The following EBF1 variants were observed in gnomAD, a reference collection of about 807,000 sequenced individuals.
EBF1 encodes EBF transcription factor 1, also known as transcription factor COE1.
Under a neutral mutation model 68.4 loss-of-function variants are expected in EBF1, and 10 were observed. That is an observed-to-expected ratio of 0.15 (90% CI 0.09 to 0.25). EBF1 has a LOEUF of 0.25. Ranked by LOEUF, EBF1 falls within the 10% of genes least tolerant of loss-of-function variation. The probability of loss-of-function intolerance (pLI) is 1.00; values close to 1 mark genes in which losing one functional copy is unlikely to be tolerated. For synonymous variants in EBF1, 298 were observed against 299.8 expected, an observed-to-expected ratio of 0.99 and a Z score of 0.06; for missense variants, 509 against 794.4, an observed-to-expected ratio of 0.64 and a Z score of 4.32.
chr5:159,008,925 T>C (rs978468888), intron 6 of EBF1, among the ~76,000 whole-genome samples: 2 of 152,222 alleles, frequency 1.3e-5, no homozygotes, highest in African/African-American at 2.4e-5. Flanking sequence ...TTTATCAGTT[T>C]AAATTCTAAT....
chr5:159,034,471 G>C (rs960759914), intron 6 of EBF1, among the ~76,000 whole-genome samples: 6 of 152,156 alleles, frequency 3.9e-5, no homozygotes, highest in Non-Finnish European at 8.8e-5. Context: ...TTGGGCCAGA[G>C]CGCCTCTCAA....
intron 1 of EBF1, among the ~76,000 whole-genome samples, chr5:159,097,901 G>T (rs1206210109): frequency 6.6e-6 from 1 of 152,200 alleles, no homozygotes; most frequent in Non-Finnish European, 1.5e-5. Flanking sequence ...GCCACTGACA[G>T]CCGGACCTGC....
intron 9 of EBF1, among the ~76,000 whole-genome samples, chr5:158,791,515 A>G (rs774022668): frequency 2.6e-5 from 4 of 152,086 alleles, no homozygotes; most frequent in African/African-American, 4.8e-5. Flanking sequence ...CTGCTACCCC[A>G]TGCAATCTCA....
At chr5:158,959,829 T>C (rs1328517762) in intron 6 of EBF1, among the ~76,000 whole-genome samples, 1 of 151,946 alleles carries the variant, frequency 6.6e-6, no homozygotes, top group Admixed American at 6.6e-5. Flanking sequence ...GTCATGAAAA[T>C]GGGGGATGAT....
chr5:159,099,577 G>T lies in EBF1; in HGVS notation c.-99C>A, dbSNP rs1314712782. The T allele has an allele frequency of 4.5e-6, 6 of 1,324,948 alleles. No individual in the cohort carries two copies. Among genetic ancestry groups the T allele is most frequent in the Middle Eastern group, 2.5e-4 (1 of 4,012 alleles). 82.1% of individuals were successfully genotyped at this position (1,324,948 alleles called of 1,614,324 possible). ...GAAAGAAAAGAAAAGAAACAAAAAC[G>T]CCAACCAGAGATTTTTTTTTTTCTC... On this transcript the variant is annotated 5_prime_UTR_variant, in exon 1 of 16. Transcript: ENST00000313708.
chr5:158,825,695 T>A (rs924227344), intron 7 of EBF1, among the ~76,000 whole-genome samples: 1 of 152,052 alleles, frequency 6.6e-6, no homozygotes, highest in African/African-American at 2.4e-5. Flanking sequence ...CAGGGCCACA[T>A]GTGTGATAGA....
At chr5:158,914,873 A>G (rs1469901897) in intron 6 of EBF1, among the ~76,000 whole-genome samples, 2 of 152,206 alleles carry the variant, frequency 1.3e-5, no homozygotes, top group African/African-American at 4.8e-5. Context: ...ATATGCATAC[A>G]TTACCATACT....
intron 6 of EBF1, among the ~76,000 whole-genome samples, chr5:158,840,652 T>G (rs991169034): frequency 4.6e-5 from 4 of 87,904 alleles, no homozygotes; most frequent in Non-Finnish European, 9.9e-5. Context: ...CCTGTTTTTT[T>G]TTTTTTTTTT....
intron 11 of EBF1, among the ~76,000 whole-genome samples, chr5:158,714,399 G>A (rs1342764753): frequency 1.3e-5 from 2 of 152,174 alleles, no homozygotes; most frequent in Non-Finnish European, 2.9e-5. Context: ...GGTACTGCGA[G>A]ATAAAATACA....
At chr5:159,014,768 T>C (rs376373485) in intron 6 of EBF1, among the ~76,000 whole-genome samples, 1 of 152,202 alleles carries the variant, frequency 6.6e-6, no homozygotes, top group Admixed American at 6.5e-5. Flanking sequence ...CTATCTGTAA[T>C]ATGCAAGCCG....
At chr5:158,905,384 G>A (rs565661690) in intron 6 of EBF1, among the ~76,000 whole-genome samples, 2 of 152,262 alleles carry the variant, frequency 1.3e-5, no homozygotes, top group South Asian at 2.1e-4. Flanking sequence ...GCACTCTCTT[G>A]ATCATGAGAT....
At chr5:158,967,661 C>T (rs1365155640) in intron 6 of EBF1, among the ~76,000 whole-genome samples, 1 of 152,126 alleles carries the variant, frequency 6.6e-6, no homozygotes, top group Admixed American at 6.5e-5. Context: ...GAAAGAACTG[C>T]GTGAGGTGGT....
intron 4 of EBF1, among the ~76,000 whole-genome samples, chr5:159,088,664 C>T (rs553204280): frequency 6.6e-6 from 1 of 152,208 alleles, no homozygotes; most frequent in Admixed American, 6.5e-5. Flanking sequence ...TTATTTTCAT[C>T]CTCCATAGTA....
intron 6 of EBF1, among the ~76,000 whole-genome samples, chr5:158,914,952 T>C (rs1275863971): frequency 1.3e-5 from 2 of 152,178 alleles, no homozygotes; most frequent in East Asian, 1.9e-4. Context: ...CTGTTCTAAA[T>C]GAATAAATTT....
chr5:158,957,477 TA>T (rs1392885491), intron 6 of EBF1, among the ~76,000 whole-genome samples: 1 of 152,220 alleles, frequency 6.6e-6, no homozygotes, highest in East Asian at 1.9e-4. Flanking sequence ...CAGTTGTAGC[TA>T]AATGTAGAAA....
chr5:159,000,839 T>A (rs542076874), intron 6 of EBF1, among the ~76,000 whole-genome samples: 1 of 152,288 alleles, frequency 6.6e-6, no homozygotes, highest in South Asian at 2.1e-4. Flanking sequence ...GACCTATTCA[T>A]AGTGAAAGAT....
At chr5:158,975,267 C>T (rs1030763697) in intron 6 of EBF1, among the ~76,000 whole-genome samples, 1 of 152,102 alleles carries the variant, frequency 6.6e-6, no homozygotes, top group Non-Finnish European at 1.5e-5. Context: ...GTCCTGACCC[C>T]ACTCCCCCCA....
intron 6 of EBF1, among the ~76,000 whole-genome samples, chr5:158,981,512 C>T (rs747079741): frequency 2.6e-5 from 4 of 152,098 alleles, no homozygotes; most frequent in Admixed American, 6.5e-5. Flanking sequence ...AATAAACAAA[C>T]ACATAAATTA....
intron 8 of EBF1, among the ~76,000 whole-genome samples, chr5:158,796,800 G>T (rs566652625): frequency 1.3e-5 from 2 of 152,200 alleles, no homozygotes; most frequent in East Asian, 3.9e-4. Context: ...AAATATGGGT[G>T]ACTTTCTGGA....
Sources: gnomAD v4.1 joint callset for allele counts (sites outside exome capture counted in the v4.1 genomes callset) on GRCh38, gnomAD v4.1.1 for gene constraint, MANE v1.5 for transcripts, NCBI Gene and HGNC (gene_info 2026-07-23, HGNC 2026-07-21) for gene names.